PIK3C2G: variants seen among roughly 807,000 people sequenced by gnomAD.
PIK3C2G encodes phosphatidylinositol-4-phosphate 3-kinase catalytic subunit type 2 gamma, also known as phosphatidylinositol 3-kinase C2 domain-containing subunit gamma.
PIK3C2G carries 168 observed loss-of-function variants against 181.1 expected under a neutral mutation model. That is an observed-to-expected ratio of 0.93 (90% CI 0.82 to 1.05). The LOEUF is 1.05. Among genes scored for constraint, PIK3C2G ranks in the 50% least tolerant of loss-of-function variants. The probability of loss-of-function intolerance (pLI) is 0.00; values close to 1 mark genes in which losing one functional copy is unlikely to be tolerated. For missense variants in PIK3C2G, 1,869 were observed against 1,732.8 expected (o/e 1.08, Z -1.40); for synonymous variants, 573 against 592.2 (o/e 0.97, Z 0.47).
chr12:18,684,253 A>G, the PIK3C2G span: 1 of 1,609,952 alleles, frequency 6.2e-7, no homozygotes, highest in Non-Finnish European at 8.5e-7. Flanking sequence ...ATAAATGTGA[A>G]TGTTTCATTC....
At chr12:18,519,256 AGAGCT>A (rs1379071790) in intron 24 of PIK3C2G, among the ~76,000 whole-genome samples, 1 of 152,212 alleles carries the variant, frequency 6.6e-6, no homozygotes, top group Non-Finnish European at 1.5e-5. Context: ...CACTTGATCC[AGAGCT>A]GAGTTCAAGT....
the PIK3C2G span, among the ~76,000 whole-genome samples, chr12:18,724,989 G>A: frequency 3.9e-5 from 6 of 152,082 alleles, no homozygotes; most frequent in East Asian, 1.2e-3. Context: ...GTTTTGTCTC[G>A]TGTTCTTCTA....
At chr12:18,678,030 T>C in the PIK3C2G span, among the ~76,000 whole-genome samples, 2,456 of 152,238 alleles carry the variant, frequency 0.016, 68 homozygotes, top group African/African-American at 0.057. Context: ...ATTGGTTAAA[T>C]GAATGACATT....
chr12:18,653,856 G>A, the PIK3C2G span, among the ~76,000 whole-genome samples: 2 of 152,080 alleles, frequency 1.3e-5, no homozygotes, highest in Non-Finnish European at 2.9e-5. Context: ...CTCTTCCTAG[G>A]CTGAGGTTCA....
the PIK3C2G span, among the ~76,000 whole-genome samples, chr12:18,705,905 C>A: frequency 6.7e-6 from 1 of 149,662 alleles, no homozygotes. Flanking sequence ...TATACCATAT[C>A]CATATAAAGG....
the PIK3C2G span, chr12:18,713,089 A>G: frequency 4.7e-5 from 67 of 1,426,984 alleles, no homozygotes; most frequent in Middle Eastern, 1.3e-3. Flanking sequence ...TAATAAATGC[A>G]TAAATGAGTC....
chr12:18,712,581 A>T, the PIK3C2G span, among the ~76,000 whole-genome samples: 1 of 152,146 alleles, frequency 6.6e-6, no homozygotes, highest in Non-Finnish European at 1.5e-5. Flanking sequence ...TAATAAATAT[A>T]TTTTACCTTG....
At chr12:18,589,698 G>C (rs1381056724) in intron 29 of PIK3C2G, among the ~76,000 whole-genome samples, 1 of 152,048 alleles carries the variant, frequency 6.6e-6, no homozygotes, top group Non-Finnish European at 1.5e-5. Flanking sequence ...GAGACTTAAA[G>C]GGGAAGAAGA....
chr12:18,513,376 CT>C (rs5796757), intron 24 of PIK3C2G, among the ~76,000 whole-genome samples: 12 of 148,894 alleles, frequency 8.1e-5, no homozygotes, highest in Non-Finnish European at 1.2e-4. Flanking sequence ...AATTGGTATT[CT>C]TTTTTTTTTA....
intron 18 of PIK3C2G, among the ~76,000 whole-genome samples, chr12:18,478,964 G>T (rs957659547): frequency 6.9e-6 from 1 of 144,728 alleles, no homozygotes; most frequent in Non-Finnish European, 1.5e-5. Flanking sequence ...AACAGAGTGA[G>T]ATCCTGTCTC....
chr12:18,283,785 A>T (rs1949323548), intron 2 of PIK3C2G, among the ~76,000 whole-genome samples: 1 of 152,106 alleles, frequency 6.6e-6, no homozygotes, highest in Non-Finnish European at 1.5e-5. Context: ...TGTAATAACT[A>T]CTAAACTTTC....
chr12:18,333,533 G>A lies in PIK3C2G; in HGVS notation c.1273-4893G>A, dbSNP rs367846676. 6.6e-5 allele frequency among the ~76,000 whole-genome samples: 10 copies of A among 152,118 alleles called. 1 individual carries two copies. The East Asian group carries it at 9.7e-4, about 15-fold the overall frequency. ...CTCCCACTTATGAATGAGAACATGC[G>A]GTGTTAGGTTTTCTGTTCCTGTGTT... On this transcript the variant is annotated intron_variant, in intron 8 of 32. Transcript: ENST00000538779.
chr12:18,279,338 A>G (rs1949116855), intron 1 of PIK3C2G, among the ~76,000 whole-genome samples: 1 of 152,060 alleles, frequency 6.6e-6, no homozygotes, highest in Non-Finnish European at 1.5e-5. Flanking sequence ...CTACATATCT[A>G]AAGCATTAGC....
intron 18 of PIK3C2G, among the ~76,000 whole-genome samples, chr12:18,455,067 G>A (rs1947551888): frequency 1.3e-5 from 2 of 152,122 alleles, no homozygotes; most frequent in Admixed American, 1.3e-4. Context: ...GTGATTGCTG[G>A]CAGCATTTAA....
chr12:18,640,054 A>C (rs1332086074), intron 31 of PIK3C2G, among the ~76,000 whole-genome samples: 1 of 151,892 alleles, frequency 6.6e-6, no homozygotes, highest in Non-Finnish European at 1.5e-5. Context: ...TTTAATTTTC[A>C]AAAGTGGTGT....
the PIK3C2G span, among the ~76,000 whole-genome samples, chr12:18,715,399 G>T: frequency 4.0e-4 from 59 of 146,316 alleles, no homozygotes; most frequent in African/African-American, 1.2e-3. Context: ...GGGGTGTTTG[G>T]TTTTTTTTTT....
At chr12:18,723,579 T>C in the PIK3C2G span, 6 of 1,447,692 alleles carry the variant, frequency 4.1e-6, no homozygotes, top group African/African-American at 7.0e-5. Context: ...ACATTGTGAG[T>C]ATAAAAAATA....
the PIK3C2G span, among the ~76,000 whole-genome samples, chr12:18,713,509 T>C: frequency 2.6e-5 from 4 of 152,170 alleles, no homozygotes; most frequent in Non-Finnish European, 5.9e-5. Context: ...AGCATGACAA[T>C]ACTTGCTCTC....
chr12:18,601,395 C>T (rs1163931052), intron 30 of PIK3C2G, among the ~76,000 whole-genome samples: 1 of 151,894 alleles, frequency 6.6e-6, no homozygotes, highest in Non-Finnish European at 1.5e-5. Flanking sequence ...TATTTTCACT[C>T]ATATGTGGAA....
Sources: gnomAD v4.1 joint callset for allele counts (sites outside exome capture counted in the v4.1 genomes callset) on GRCh38, gnomAD v4.1.1 for gene constraint, MANE v1.5 for transcripts, NCBI Gene and HGNC (gene_info 2026-07-23, HGNC 2026-07-21) for gene names.